DNAH3: variants seen among roughly 807,000 people sequenced by gnomAD.
DNAH3 encodes the protein axonemal beta dynein heavy chain 3.
DNAH3 carries 332 observed loss-of-function variants against 432.5 expected under a neutral mutation model. That is an observed-to-expected ratio of 0.77 (90% CI 0.70 to 0.84). DNAH3 has a LOEUF of 0.84. DNAH3 is among the 40% of genes least tolerant of loss of function. The pLI, the probability that DNAH3 is intolerant of heterozygous loss-of-function variation, is 0.00. For synonymous variants in DNAH3, 1,956 were observed against 1,900.2 expected (o/e 1.03, Z -0.76); for missense variants, 4,861 against 5,114.0 (o/e 0.95, Z 1.51).
intron 41 of DNAH3, among the ~76,000 whole-genome samples, chr16:21,011,882 C>T (rs2087620283): frequency 6.6e-6 from 1 of 152,084 alleles, no homozygotes; most frequent in Admixed American, 6.5e-5. Context: ...TTAACATTTC[C>T]TACATACCAT....
chr16:20,987,734 C>T, exon 46 of DNAH3: 1 of 1,614,128 alleles, frequency 6.2e-7, no homozygotes, highest in South Asian at 1.1e-5. Context: ...CCTTGAATCA[C>T]TCGTGAGAAG....
chr16:21,096,169 T>C (rs989320955), intron 18 of DNAH3, among the ~76,000 whole-genome samples: 4 of 151,524 alleles, frequency 2.6e-5, no homozygotes, highest in African/African-American at 9.7e-5. Flanking sequence ...GGTTTTGCTC[T>C]GATGCCCAAG....
chr16:21,042,396 CGT>C (rs377160556), intron 31 of DNAH3, among the ~76,000 whole-genome samples, 193 bp from the exon 32 acceptor site: 4 of 151,630 alleles, frequency 2.6e-5, no homozygotes, highest in Non-Finnish European at 5.9e-5. Context: ...TGTGCATGTG[CGT>C]GTGTGTGTGT....
At chr16:20,978,904 C>T (rs1056370468) in intron 50 of DNAH3, among the ~76,000 whole-genome samples, 1 of 151,868 alleles carries the variant, frequency 6.6e-6, no homozygotes, top group Non-Finnish European at 1.5e-5. Context: ...ATGCCCCTGG[C>T]TCTACAGCTG....
intron 60 of DNAH3, among the ~76,000 whole-genome samples, chr16:20,935,948 C>T (rs1055537088): frequency 7.9e-5 from 12 of 152,058 alleles, no homozygotes; most frequent in African/African-American, 2.7e-4. Flanking sequence ...AACTGAGCAG[C>T]TGCCACTCAT....
intron 7 of DNAH3, among the ~76,000 whole-genome samples, chr16:21,131,870 AAAAG>A (rs1174581929): frequency 1.3e-5 from 2 of 151,412 alleles, no homozygotes; most frequent in African/African-American, 4.9e-5. Flanking sequence ...AAAAAAAAAA[AAAAG>A]GGGGAGAGAA....
At chr16:20,991,417 C>T (rs376989777) in intron 44 of DNAH3, among the ~76,000 whole-genome samples, 3 of 152,234 alleles carry the variant, frequency 2.0e-5, no homozygotes, top group Admixed American at 2.0e-4. Flanking sequence ...GCATGCACCA[C>T]CATGACTGGC....
intron 20 of DNAH3, among the ~76,000 whole-genome samples, chr16:21,078,341 A>C (rs1254043766): frequency 1.3e-5 from 2 of 151,692 alleles, no homozygotes; most frequent in Non-Finnish European, 2.9e-5. Flanking sequence ...ATCAAATAGG[A>C]CCAATTAAAT....
At chr16:21,012,070 C>T (rs1020772592) in intron 41 of DNAH3, among the ~76,000 whole-genome samples, 50 of 152,162 alleles carry the variant, frequency 3.3e-4, no homozygotes, top group African/African-American at 1.2e-3. Flanking sequence ...CCTGTACTTT[C>T]CCATCCTTGC....
At chr16:21,151,453 C>G (rs374040643) in intron 1 of DNAH3, among the ~76,000 whole-genome samples, 27 of 151,818 alleles carry the variant, frequency 1.8e-4, no homozygotes, top group African/African-American at 6.0e-4. Flanking sequence ...CCCACCAGTG[C>G]GCCCAGCTAA....
rs574885159 is a variant in DNAH3, at chr16:20,951,771, G to A, written c.11188+662C>T. Among the ~76,000 whole-genome samples the A allele has an allele frequency of 3.0e-4, 33 of 111,750 alleles. No homozygotes were observed. In the East Asian group the frequency reaches 9.1e-3, roughly 31 times the overall value. 73.3% of individuals were successfully genotyped at this position (111,750 alleles called of 152,430 possible). Reference sequence around the variant, plus strand: ...TTTTTTTTTTTTTTTTTGAGATAGAGTCTCTGTCACCCAGGCTAGAATGCA... The same window carrying A: ...TTTTTTTTTTTTTTTTTGAGATAGAATCTCTGTCACCCAGGCTAGAATGCA... On this transcript the variant is annotated intron_variant, in intron 56 of 61. Transcript: ENST00000261383.
At chr16:21,125,425 C>G (rs1031878600) in intron 8 of DNAH3, 55 bp from the exon 10 acceptor site, 1 of 1,461,456 alleles carries the variant, frequency 6.8e-7, no homozygotes, top group African/African-American at 1.4e-5. Flanking sequence ...CCGAGGAACC[C>G]ACTTGCCGTG....
chr16:21,062,120 A>G (rs2090380249), intron 25 of DNAH3, among the ~76,000 whole-genome samples: 1 of 152,224 alleles, frequency 6.6e-6, no homozygotes, highest in South Asian at 2.1e-4. Context: ...TTGATCTTTA[A>G]AATGAATGCC....
chr16:21,064,860 G>GGTGTGTGTGTGTGT (rs369066790), intron 24 of DNAH3, among the ~76,000 whole-genome samples: 2 of 131,700 alleles, frequency 1.5e-5, no homozygotes, highest in African/African-American at 2.7e-5. Context: ...TATTGAGGTA[G>GGTGTGTGTGTGTGT]GTGTGTGTGT....
At chr16:21,023,375 C>G (rs948351443) in intron 39 of DNAH3, among the ~76,000 whole-genome samples, 4 of 151,992 alleles carry the variant, frequency 2.6e-5, no homozygotes, top group African/African-American at 9.7e-5. Context: ...AGTAAAATAC[C>G]TATAGATCAT....
At chr16:21,048,065 A>G (rs2089787509) in intron 31 of DNAH3, among the ~76,000 whole-genome samples, 1 of 151,774 alleles carries the variant, frequency 6.6e-6, no homozygotes, top group Non-Finnish European at 1.5e-5. Context: ...TGTGAGAACC[A>G]CTCCTCTCTT....
intron 5 of DNAH3, among the ~76,000 whole-genome samples, chr16:21,139,320 C>CTTTTTTTT (rs9302391): frequency 0.066 from 1,961 of 29,628 alleles, 566 homozygotes; most frequent in East Asian, 0.16. Context: ...TTTCCTCATG[C>CTTTTTTTT]TTTTTTTTTT....
rs113873562 is a variant in DNAH3 at position 20,992,184 on chromosome 16, T to C, written c.6602-4119A>G. Among the ~76,000 whole-genome samples, 19 of 152,068 alleles carry C rather than the reference T, an allele frequency of 1.2e-4. 1 individual carries two copies. The highest frequency in any genetic ancestry group is 4.6e-4 in the African/African-American group (19 of 41,570). ...ATATATTTAGATAAATTTCAATCCA[T>C]TGAAATCACTACCATTGTTGAAGCT... On this transcript the variant is annotated intron_variant, in intron 44 of 61. Coordinates refer to ENST00000261383, the Ensembl canonical transcript of DNAH3.
At chr16:21,107,147 C>T (rs1199049201) in intron 14 of DNAH3, among the ~76,000 whole-genome samples, 1 of 151,822 alleles carries the variant, frequency 6.6e-6, no homozygotes, top group African/African-American at 2.4e-5. Context: ...ACCTCTCATA[C>T]ACAGAACCTA....
Sources: allele counts gnomAD v4.1 joint callset (sites outside exome capture counted in the v4.1 genomes callset), GRCh38; gene constraint gnomAD v4.1.1; transcripts MANE v1.5; gene names NCBI Gene and HGNC (gene_info 2026-07-23, HGNC 2026-07-21).